ATRNL1: variants seen among roughly 807,000 people sequenced by gnomAD.
The protein encoded by ATRNL1 is attractin like 1.
A neutral mutation model predicts 182.7 loss-of-function variants in ATRNL1; 95 were observed. The observed-to-expected ratio is 0.52, with a 90% CI of 0.44 to 0.62. The LOEUF (loss-of-function observed/expected upper bound fraction) is 0.62. ATRNL1 is among the 20% of genes least tolerant of loss of function. The probability of loss-of-function intolerance (pLI) is 0.00; values close to 1 mark genes in which losing one functional copy is unlikely to be tolerated. For missense variants in ATRNL1, 1,471 were observed against 1,679.5 expected, an observed-to-expected ratio of 0.88 and a Z score of 2.17; for synonymous variants, 576 against 568.3, an observed-to-expected ratio of 1.01 and a Z score of -0.19.
chr10:115,644,940 C>T (rs183310451), intron 26 of ATRNL1, among the ~76,000 whole-genome samples: 3 of 152,144 alleles, frequency 2.0e-5, no homozygotes, highest in Admixed American at 1.3e-4. Flanking sequence ...TAAAATTTCT[C>T]GTGAAATAGT....
At chr10:115,397,536 A>G (rs538544625) in intron 20 of ATRNL1, among the ~76,000 whole-genome samples, 3 of 152,078 alleles carry the variant, frequency 2.0e-5, no homozygotes, top group South Asian at 4.1e-4. Flanking sequence ...TAAGTGTTCA[A>G]TAAATTTGTT....
intron 20 of ATRNL1, among the ~76,000 whole-genome samples, chr10:115,415,172 G>A (rs1845329789): frequency 1.3e-5 from 2 of 151,930 alleles, no homozygotes; most frequent in South Asian, 4.1e-4. Context: ...ACATGGGATG[G>A]CCTATTCATC....
At chr10:115,606,236 G>A (rs540037829) in intron 26 of ATRNL1, among the ~76,000 whole-genome samples, 46 of 151,950 alleles carry the variant, frequency 3.0e-4, no homozygotes, top group African/African-American at 1.1e-3. Flanking sequence ...TACACATTAG[G>A]CTCGCATATT....
intron 8 of ATRNL1, among the ~76,000 whole-genome samples, chr10:115,177,235 G>A (rs924613614): frequency 9.2e-5 from 14 of 152,096 alleles, no homozygotes; most frequent in African/African-American, 2.9e-4. Flanking sequence ...TGGTGATCTT[G>A]ACAGGAACAG....
intron 26 of ATRNL1, among the ~76,000 whole-genome samples, chr10:115,579,393 T>G (rs1479329471): frequency 6.6e-6 from 1 of 151,834 alleles, no homozygotes; most frequent in African/African-American, 2.4e-5. Context: ...TATGTATAAT[T>G]ATTATGTCGT....
At chr10:115,172,962 C>G (rs1304034759) in intron 8 of ATRNL1, among the ~76,000 whole-genome samples, 4 of 151,708 alleles carry the variant, frequency 2.6e-5, no homozygotes. Context: ...GCTCCCAGCT[C>G]TCCTGGATGA....
At chr10:115,795,856 C>T (rs12774281) in intron 27 of ATRNL1, among the ~76,000 whole-genome samples, 68,296 of 151,950 alleles carry the variant, frequency 0.45, 17,376 homozygotes, top group East Asian at 0.68. Flanking sequence ...CACAATTCAA[C>T]GTGAGATTTG....
At chr10:115,731,265 C>T (rs148127512) in intron 27 of ATRNL1, among the ~76,000 whole-genome samples, 1 of 152,166 alleles carries the variant, frequency 6.6e-6, no homozygotes, top group Non-Finnish European at 1.5e-5. Flanking sequence ...CAGGTGGGAT[C>T]GGTACCAATC....
rs2485967 is a variant in ATRNL1, at chr10:115,374,489, T to C, written c.3176-20170T>C. On this transcript the variant is annotated intron_variant, in intron 19 of 28. Transcript: ENST00000355044. ...CCTTCCTTCCTTCCTTCCTTCCTTC[T>C]TTCCTTCCTTTCTTCCTCCTTCTTC... 9.4e-4 allele frequency among the ~76,000 whole-genome samples: 91 copies of C among 96,538 alleles called. 1 individual carries two copies. The highest frequency in any genetic ancestry group is 3.6e-3 in the African/African-American group (83 of 23,044). The allele number at this position is 96,538 out of a possible 152,430, so 63.3% of individuals were successfully genotyped here. A position where few individuals can be genotyped will look rare whatever the true frequency, so the allele number is the denominator to read the frequency against.
At chr10:115,564,815 A>G (rs1572398) in intron 26 of ATRNL1, among the ~76,000 whole-genome samples, 86,938 of 151,626 alleles carry the variant, frequency 0.57, 26,774 homozygotes, top group Non-Finnish European at 0.71. Context: ...ATCTTTTTCT[A>G]CATTACTTAC....
Position 115,466,348 on chromosome 10 carries a change from G to A in ATRNL1, c.3418-826G>A, listed in dbSNP as rs561540879. Among the ~76,000 whole-genome samples, 3 of 151,416 alleles carry A rather than the reference G, an allele frequency of 2.0e-5. No individual in the cohort carries two copies. In the South Asian group the frequency reaches 6.2e-4, roughly 31 times the overall value. ...AGTATAGAATTTTCTACAAGTCTTT[G>A]TAGAGAATATTTAAAATAAAGCATA... On this transcript the variant is annotated intron_variant, in intron 22 of 28. Transcript: ENST00000355044.
chr10:115,379,450 T>C (rs1313366698), intron 19 of ATRNL1, among the ~76,000 whole-genome samples: 3 of 152,206 alleles, frequency 2.0e-5, no homozygotes, highest in African/African-American at 4.8e-5. Flanking sequence ...TACTGTACAA[T>C]GGTAATTCTT....
At chr10:115,131,281 A>T (rs79247416) in intron 5 of ATRNL1, among the ~76,000 whole-genome samples, 2,349 of 152,208 alleles carry the variant, frequency 0.015, 52 homozygotes, top group African/African-American at 0.052. Flanking sequence ...TATATATTTT[A>T]TATGGAGAAT....
At chr10:115,167,081 T>C (rs1847078183) in intron 7 of ATRNL1, among the ~76,000 whole-genome samples, 1 of 152,016 alleles carries the variant, frequency 6.6e-6, no homozygotes, top group Non-Finnish European at 1.5e-5. Flanking sequence ...TTGTGTCTGA[T>C]GTAAGGGTCC....
chr10:115,738,828 T>C (rs1948057554), intron 27 of ATRNL1, among the ~76,000 whole-genome samples: 1 of 152,104 alleles, frequency 6.6e-6, no homozygotes, highest in South Asian at 2.1e-4. Context: ...ATCTGAACTT[T>C]AAGCATGATA....
intron 24 of ATRNL1, among the ~76,000 whole-genome samples, chr10:115,471,031 G>A (rs1554972012): frequency 1.3e-5 from 2 of 150,576 alleles, no homozygotes; most frequent in African/African-American, 4.9e-5. Context: ...ACCTATAAGT[G>A]ATATCATGCA....
At chr10:115,825,975 G>A (rs73381619) in intron 27 of ATRNL1, among the ~76,000 whole-genome samples, 6,912 of 152,132 alleles carry the variant, frequency 0.045, 547 homozygotes, top group African/African-American at 0.15. Flanking sequence ...ATAGAAATTA[G>A]TATTATATAT....
intron 8 of ATRNL1, among the ~76,000 whole-genome samples, chr10:115,174,355 A>G (rs1003896185): frequency 2.6e-5 from 4 of 151,898 alleles, no homozygotes; most frequent in African/African-American, 9.6e-5. Flanking sequence ...TGTCCTTGAA[A>G]CACAGGTTTT....
At chr10:115,940,482 C>A (rs1953693785) in intron 28 of ATRNL1, among the ~76,000 whole-genome samples, 1 of 152,122 alleles carries the variant, frequency 6.6e-6, no homozygotes, top group Non-Finnish European at 1.5e-5. Flanking sequence ...GGTCAGAATT[C>A]TATTTATACA....
Sources: allele counts gnomAD v4.1 joint callset (sites outside exome capture counted in the v4.1 genomes callset), GRCh38; gene constraint gnomAD v4.1.1; transcripts MANE v1.5; gene names NCBI Gene and HGNC (gene_info 2026-07-23, HGNC 2026-07-21).